ARPC1B: variants seen among roughly 807,000 people sequenced by gnomAD.
ARPC1B encodes actin-related protein 2/3 complex subunit 1B.
ARPC1B carries 29 observed loss-of-function variants against 46.0 expected under a neutral mutation model. The ratio of observed to expected loss-of-function variants is 0.63; its 90% CI spans 0.47 to 0.86. The LOEUF is 0.86. Ranked by LOEUF, ARPC1B falls within the 40% of genes least tolerant of loss-of-function variation. ARPC1B has a pLI of 0.00. For synonymous variants in ARPC1B, 201 were observed against 213.9 expected (o/e 0.94, Z 0.53); for missense variants, 469 against 529.4 (o/e 0.89, Z 1.12).
At chr7:99,394,171 CCCCCCATCCCCACTCCCTGGAGATGA>C (rs778159366) in intron 9 of ARPC1B, 52 bp downstream of exon 9, 7 of 1,567,596 alleles carry the variant, frequency 4.5e-6, no homozygotes, top group African/African-American at 2.7e-5. Context: ...TCAACCCTTT[CCCCCCATCCCCACTCCCTGGAGATGA>C]CCCCCATCCT....
upstream of ARPC1B, chr7:99,374,579 G>C (rs563744055): frequency 6.6e-6 from 1 of 152,274 alleles, no homozygotes; most frequent in African/African-American, 2.4e-5. This position sits in a 1 kb window ranked among gnomAD's most constrained non-coding sequence, Gnocchi z 5.0. Flanking sequence ...GTCTGCGCGG[G>C]TACCGGCAGC....
rs764232067 is a variant in ARPC1B at position 99,388,044 on chromosome 7, G to C, written c.175G>C (p.Asp59His). The stretch of plus-strand genomic sequence containing the variant: ...TTCCCTCCATCCCCCCACAGGCATC[G>C]ACTGGGCCCCCGAGAGTAACCGTAT... Reference protein sequence around the residue: ...KEHNGQVTGIDWAPESNRIVT... With the variant: ...KEHNGQVTGIHWAPESNRIVT... The change falls in exon 4 of 10, where the codon GAC becomes CAC. Residue 59 changes from aspartate to histidine, a missense_variant. Asp to His is a moderately conservative substitution (Grantham distance 81). Transcript: ENST00000646101. 1.2e-6 allele frequency: 2 copies of C among 1,601,610 alleles called. No individual in the cohort carries two copies. Among genetic ancestry groups the C allele is most frequent in the Non-Finnish European group, 1.7e-6 (2 of 1,169,818 alleles).
At position 99,394,687 on chromosome 7, in the gene ARPC1B, TTTCA is replaced by T; in HGVS notation, c.*201_*204del. The T allele has an allele frequency of 7.6e-7, 1 of 1,309,714 alleles. No individual in the cohort carries two copies. The highest frequency in any genetic ancestry group is 9.6e-7 in the Non-Finnish European group (1 of 1,041,228). 81.1% of individuals were successfully genotyped at this position (1,309,714 alleles called of 1,614,324 possible). ...GAATACGTGCCTTTTTCTTAAATGC[TTTCA>T]TTTATTGAAAAAAAAAAAAAATGCC... On this transcript the variant is annotated 3_prime_UTR_variant, in exon 10 of 10. Coordinates refer to ENST00000646101, the MANE Select transcript of ARPC1B (RefSeq NM_005720.4).
rs11556757 is a variant in ARPC1B at position 99,388,120 on chromosome 7, G to C, written c.251G>C (p.Arg84Pro). 1 of 1,614,174 alleles carries C rather than the reference G, an allele frequency of 6.2e-7. No homozygotes were observed. The highest frequency in any genetic ancestry group is 1.1e-5 in the South Asian group (1 of 91,084). The change falls in exon 4 of 10, where the codon CGC becomes CCC. Residue 84 changes from arginine to proline, a missense_variant. Transcript: ENST00000646101. ...GCCTACGTGTGGACGCTGAAGGGCCGCACATGGAAGCCCACGCTGGTCATC... is the reference window on the plus strand; with the variant it reads ...GCCTACGTGTGGACGCTGAAGGGCCCCACATGGAAGCCCACGCTGGTCATC... Reference protein sequence around the residue: ...RNAYVWTLKGRTWKPTLVILR... With the variant: ...RNAYVWTLKGPTWKPTLVILR...
rs772757150 is a variant in ARPC1B at position 99,390,012 on chromosome 7, G to A, written c.500G>A (p.Arg167Gln). ...GCCGGCTCCTGTGACTTCAAGTGTCGGTGAGACAGGGCGCCATGGGGGAGG... is the reference window on the plus strand; with the variant it reads ...GCCGGCTCCTGTGACTTCAAGTGTCAGTGAGACAGGGCGCCATGGGGGAGG... The part of the protein sequence containing the change: ...LAAGSCDFKC[R>Q]IFSAYIKEVE... The change falls in exon 5 of 10, where the codon CGG (arginine) becomes CAG (glutamine). Residue 167 changes from arginine to glutamine, a missense_variant and splice_region_variant. Coordinates refer to ENST00000646101, the MANE Select transcript of ARPC1B (RefSeq NM_005720.4). The A allele has an allele frequency of 1.3e-5, 21 of 1,613,220 alleles. No individual in the cohort carries two copies. The highest frequency in any genetic ancestry group is 1.8e-5 in the Non-Finnish European group (21 of 1,179,540).
Position 99,394,538 on chromosome 7 carries a change from G to A in ARPC1B, c.*49G>A, listed in dbSNP as rs766937573. 1.9e-6 allele frequency: 3 copies of A among 1,613,758 alleles called. No individual in the cohort carries two copies. The Admixed American group carries it at 5.0e-5, about 27-fold the overall frequency. On this transcript the variant is annotated 3_prime_UTR_variant, in exon 10 of 10. Coordinates refer to ENST00000646101, the MANE Select transcript of ARPC1B (RefSeq NM_005720.4). Reference sequence around the variant, plus strand: ...ATCCTAGCTGCTGGGGAAGCGGGGAGAGGGGTCAGGGAGGCTAATGGTTGC... The same window carrying A: ...ATCCTAGCTGCTGGGGAAGCGGGGAAAGGGGTCAGGGAGGCTAATGGTTGC...
In ARPC1B at chr7:99,394,779, T is replaced by TAAAAAAAAAAAAAAAAAAAAAAA. The variant is rs773085531; in HGVS notation, c.*312_*313insAAAAAAAAAAAAAAAAAAAAAAA. On this transcript the variant is annotated 3_prime_UTR_variant, in exon 10 of 10. Transcript: ENST00000646101. ...GTGGAGGTAATAAAATGCAACTGTG[T>TAAAAAAAAAAAAAAAAAAAAAAA]AAAAAAAAAAAAAAAAAAAAAAGTA... 1 of 795,938 alleles carries TAAAAAAAAAAAAAAAAAAAAAAA rather than the reference T, an allele frequency of 1.3e-6. No individual in the cohort carries two copies. The allele number at this position is 795,938 out of a possible 1,614,324, so 49.3% of individuals were successfully genotyped here. A position where few individuals can be genotyped will look rare whatever the true frequency, so the allele number is the denominator to read the frequency against.
chr7:99,389,663 C>T (rs534522714), intron 4 of ARPC1B: 4 of 483,420 alleles, frequency 8.3e-6, no homozygotes, highest in East Asian at 7.5e-5. Flanking sequence ...TGAGCCTGCT[C>T]TGAGGGTGAC....
At chr7:99,391,138 G>C (rs1206719262) in intron 6 of ARPC1B, 39 bp downstream of exon 6, 1 of 1,613,440 alleles carries the variant, frequency 6.2e-7, no homozygotes, top group East Asian at 2.2e-5. Context: ...GGTGAGTGCA[G>C]AGGAGTGGGA....
chr7:99,391,278 G>C, intron 7 of ARPC1B, 25 bp downstream of exon 7: 1 of 1,610,384 alleles, frequency 6.2e-7, no homozygotes, highest in Non-Finnish European at 8.5e-7. Flanking sequence ...GGGGAGGGAG[G>C]GTGTGTGGTC....
At chr7:99,377,964 G>A (rs1307184459) in intron 1 of ARPC1B, among the ~76,000 whole-genome samples, 5 of 152,176 alleles carry the variant, frequency 3.3e-5, no homozygotes, top group East Asian at 3.9e-4. Flanking sequence ...TAATAATTAC[G>A]TAGCATCTCA....
chr7:99,394,336 A>G, intron 9 of ARPC1B, 115 bp from the exon 10 acceptor site: 1 of 1,125,372 alleles, frequency 8.9e-7, no homozygotes, highest in Non-Finnish European at 1.3e-6. Context: ...AGACTCCAAA[A>G]CTGCAGGTTC....
Position 99,392,759 on chromosome 7 carries a change from G to A in ARPC1B, c.872G>A (p.Ser291Asn). The A allele has an allele frequency of 6.5e-7, 1 of 1,549,778 alleles. No individual in the cohort carries two copies. Among genetic ancestry groups the A allele is most frequent in the South Asian group, 1.2e-5 (1 of 84,046 alleles). ...FGGRLDVPKQ[S>N]SQRGLTARER... is the part of the protein sequence containing the mutation. ...GGGCGGCTGGACGTTCCTAAGCAGA[G>A]CTCGCAGCGTGGCTTGACGGCCCGC... Residue 291 changes from serine to asparagine, a missense_variant, in exon 8 of 10, where the codon AGC becomes AAC. By Grantham distance (46) the Ser-to-Asn change is conservative. Coordinates refer to ENST00000646101, the MANE Select transcript of ARPC1B (RefSeq NM_005720.4).
chr7:99,390,150 G>T, intron 5 of ARPC1B, 138 bp downstream of exon 5: 3 of 719,674 alleles, frequency 4.2e-6, no homozygotes, highest in Non-Finnish European at 6.9e-6. Context: ...TGACCTGGGC[G>T]TCGGTTGAAG....
rs1334625103 is a variant in ARPC1B at position 99,385,704 on chromosome 7, G to A, written c.-11G>A. The A allele has an allele frequency of 1.2e-6, 2 of 1,607,140 alleles. No individual in the cohort carries two copies. The highest frequency in any genetic ancestry group is 1.3e-5 in the African/African-American group (1 of 75,002). ...CTCTCTTCCTCTCTCGGGCACAGGA[G>A]CCAAGCCGCCATGGCCTACCACAGC... On this transcript the variant is annotated splice_region_variant and 5_prime_UTR_variant, in exon 2 of 10. Transcript: ENST00000646101.
At position 99,392,884 on chromosome 7, in the gene ARPC1B, C is replaced by A. The variant is rs1377272886; in HGVS notation, c.989+8C>A. ...GCACAAGAACAGCGTCAGGTGAGAG[C>A]GGGAGCCGGGCCGGCGGGTGGGCGG... On this transcript the variant is annotated splice_region_variant and intron_variant, in intron 8 of 9. Transcript: ENST00000646101. 2.0e-6 allele frequency: 3 copies of A among 1,529,424 alleles called. No homozygotes were observed. The highest frequency in any genetic ancestry group is 2.6e-6 in the Non-Finnish European group (3 of 1,133,662). 94.7% of individuals were successfully genotyped at this position (1,529,424 alleles called of 1,614,324 possible).
chr7:99,382,616 G>A (rs553273270), intron 1 of ARPC1B, among the ~76,000 whole-genome samples: 1 of 151,802 alleles, frequency 6.6e-6, no homozygotes, highest in Admixed American at 6.6e-5. Context: ...ATACAGATGT[G>A]CACCACCACA....
chr7:99,394,100 T>A lies in ARPC1B; in HGVS notation c.1061T>A (p.Met354Lys). 1 of 1,613,638 alleles carries A rather than the reference T, an allele frequency of 6.2e-7. No individual in the cohort carries two copies. ...QFCTTGMDGG[M>K]SIWDVKSLES... ...TGCACCACTGGCATGGATGGCGGCA[T>A]GAGTATCTGGGATGTGAAGGTGAGG... is the stretch of plus-strand genomic sequence containing the variant. The change falls in exon 9 of 10, where the codon ATG becomes AAG. Residue 354 changes from methionine (M) to lysine (K), a missense_variant. Coordinates refer to ENST00000646101, the MANE Select transcript of ARPC1B (RefSeq NM_005720.4).
rs1160305887 is a variant in ARPC1B, at chr7:99,392,870, G to T, written c.983G>T (p.Ser328Ile). ...GGCCTAGACTCGCTGCACAAGAACAGCGTCAGGTGAGAGCGGGAGCCGGGC... is the reference window on the plus strand; with the variant it reads ...GGCCTAGACTCGCTGCACAAGAACATCGTCAGGTGAGAGCGGGAGCCGGGC... ...GAGLDSLHKN[S>I]VSQISVLSGG... is the part of the protein sequence containing the mutation. Residue 328 changes from serine (S) to isoleucine (I), a missense_variant, in exon 8 of 10, where the codon AGC (serine) becomes ATC (isoleucine). Transcript: ENST00000646101. The T allele has an allele frequency of 1.3e-6, 2 of 1,541,100 alleles. No individual in the cohort carries two copies. Among genetic ancestry groups the T allele is most frequent in the South Asian group, 2.4e-5 (2 of 83,666 alleles).
Sources: allele counts gnomAD v4.1 joint callset (sites outside exome capture counted in the v4.1 genomes callset), GRCh38; gene constraint gnomAD v4.1.1; non-coding constraint Gnocchi (gnomAD v3.1); transcripts MANE v1.5; gene names NCBI Gene and HGNC (gene_info 2026-07-23, HGNC 2026-07-21).